The following CALD1 variants were observed in gnomAD, a reference collection of about 807,000 sequenced individuals.
CALD1 encodes the protein caldesmon.
CALD1 carries 33 observed loss-of-function variants against 99.9 expected under a neutral mutation model. The observed-to-expected ratio is 0.33, with a 90% CI of 0.25 to 0.44. The LOEUF is 0.44. Ranked by LOEUF, CALD1 falls within the 20% of genes least tolerant of loss-of-function variation. The pLI is 1.00. For missense variants in CALD1, 861 were observed against 962.1 expected, an observed-to-expected ratio of 0.89 and a Z score of 1.39; for synonymous variants, 310 against 325.0, an observed-to-expected ratio of 0.95 and a Z score of 0.50.
Position 134,781,306 on chromosome 7 carries a change from G to T in CALD1, c.-130+1557G>T, listed in dbSNP as rs1797094950. ...TTTGGAAGGAGATCTATAATCTTGGGATTTGAGGATAAATTCCATTTTGAA... is the reference window on the plus strand; with the variant it reads ...TTTGGAAGGAGATCTATAATCTTGGTATTTGAGGATAAATTCCATTTTGAA... On this transcript the variant is annotated intron_variant, in intron 1 of 14. Coordinates refer to ENST00000361675, the MANE Select transcript of CALD1 (RefSeq NM_033138.4). 2.6e-5 allele frequency among the ~76,000 whole-genome samples: 4 copies of T among 152,292 alleles called. No homozygotes were observed. The South Asian group carries it at 8.3e-4, about 32-fold the overall frequency.
At chr7:134,824,172 T>C (rs972658607) in intron 1 of CALD1, among the ~76,000 whole-genome samples, 1 of 152,176 alleles carries the variant, frequency 6.6e-6, no homozygotes, top group African/African-American at 2.4e-5. Context: ...TTTCAGAACT[T>C]ACATACTGCA....
At chr7:134,935,890 A>ACTATT in intron 6 of CALD1, 125 bp downstream of exon 6, 2 of 870,158 alleles carry the variant, frequency 2.3e-6, no homozygotes, top group Non-Finnish European at 1.7e-6. Context: ...GCCATGACTC[A>ACTATT]CAGTCCACTG....
At chr7:134,740,533 C>G (rs111908855), upstream of CALD1, among the ~76,000 whole-genome samples, 1 of 152,140 alleles carries the variant, frequency 6.6e-6, no homozygotes, top group African/African-American at 2.4e-5. Context: ...TGTGAGCCAA[C>G]AGTGTGATAT....
At chr7:134,908,909 G>A (rs1235707604) in intron 3 of CALD1, among the ~76,000 whole-genome samples, 3 of 152,112 alleles carry the variant, frequency 2.0e-5, no homozygotes, top group Non-Finnish European at 4.4e-5. Flanking sequence ...AGAGAATTGT[G>A]CTTTCAACCA....
chr7:134,894,436 G>A (rs1180197118), intron 3 of CALD1, among the ~76,000 whole-genome samples: 1 of 152,180 alleles, frequency 6.6e-6, no homozygotes, highest in Non-Finnish European at 1.5e-5. Context: ...CTATTATTGA[G>A]TAAATCAAAC....
At chr7:134,950,608 T>C in intron 9 of CALD1, 94 bp downstream of exon 9, 1 of 1,013,414 alleles carries the variant, frequency 9.9e-7, no homozygotes, top group Non-Finnish European at 1.5e-6. Flanking sequence ...CCTTTGTTCA[T>C]TTATCTTTTT....
intron 2 of CALD1, chr7:134,844,213 T>TTG (rs1799761883): frequency 6.6e-6 from 1 of 151,978 alleles, no homozygotes; most frequent in Non-Finnish European, 1.5e-5. Flanking sequence ...GCTTTATTTT[T>TTG]AAATGTTTCC....
At chr7:134,713,913 A>C in the CALD1 span, among the ~76,000 whole-genome samples, 1 of 152,140 alleles carries the variant, frequency 6.6e-6, no homozygotes, top group Non-Finnish European at 1.5e-5. Flanking sequence ...CCCAAATCTC[A>C]GGTCAACTTG....
At chr7:134,711,661 T>TCTCTCTAC in the CALD1 span, among the ~76,000 whole-genome samples, 1 of 24,780 alleles carries the variant, frequency 4.0e-5, no homozygotes. Flanking sequence ...TCTCTCTCTC[T>TCTCTCTAC]ATATATATAT....
At chr7:134,920,743 A>T in intron 3 of CALD1, 1 of 1,144,740 alleles carries the variant, frequency 8.7e-7, no homozygotes, top group Non-Finnish European at 1.2e-6. Flanking sequence ...GAATTCAAAA[A>T]TGGTGAACTT....
chr7:134,719,442 G>A, the CALD1 span, among the ~76,000 whole-genome samples: 18 of 152,056 alleles, frequency 1.2e-4, no homozygotes, highest in African/African-American at 3.9e-4. Context: ...AAGTAGCAGA[G>A]CACCCAGGGT....
intron 3 of CALD1, among the ~76,000 whole-genome samples, chr7:134,899,548 C>T (rs1802829901): frequency 6.6e-6 from 1 of 152,230 alleles, no homozygotes; most frequent in African/African-American, 2.4e-5. Context: ...CGGAGCCTAA[C>T]CCACCCTAGA....
chr7:134,785,137 G>C (rs1199941416), intron 1 of CALD1, among the ~76,000 whole-genome samples: 2 of 152,150 alleles, frequency 1.3e-5, no homozygotes, highest in Non-Finnish European at 2.9e-5. Context: ...AGCTCTCAAT[G>C]GGAATCATTT....
intron 1 of CALD1, among the ~76,000 whole-genome samples, chr7:134,765,102 G>A (rs1796813830): frequency 1.3e-5 from 2 of 152,152 alleles, no homozygotes; most frequent in Non-Finnish European, 1.5e-5. Flanking sequence ...GGATCATGAG[G>A]TCAGGAGTTT....
At chr7:134,934,145 T>C in intron 5 of CALD1, 68 bp downstream of exon 5, 1 of 1,547,594 alleles carries the variant, frequency 6.5e-7, no homozygotes, top group Non-Finnish European at 8.7e-7. Context: ...GCACATCTGA[T>C]TTGGGACTGA....
intron 3 of CALD1, among the ~76,000 whole-genome samples, chr7:134,913,133 G>C (rs1469963103): frequency 1.3e-5 from 2 of 152,156 alleles, no homozygotes; most frequent in East Asian, 3.9e-4. Context: ...GGGTGTGGTG[G>C]CACATGCCTG....
chr7:134,746,077 A>G (rs1266837449), intron 1 of CALD1, among the ~76,000 whole-genome samples: 1 of 152,200 alleles, frequency 6.6e-6, no homozygotes, highest in African/African-American at 2.4e-5. Flanking sequence ...TGCCTTCAGG[A>G]GTCAAAGCTT....
rs147015439 is a variant in CALD1 at position 134,795,054 on chromosome 7, C to T, written c.-130+15305C>T. Among the ~76,000 whole-genome samples the T allele has an allele frequency of 7.0e-3, 1,062 of 152,308 alleles. 22 individuals are homozygous for T. Among genetic ancestry groups the T allele is most frequent in the African/African-American group, 0.024 (1,001 of 41,576 alleles). The stretch of plus-strand genomic sequence containing the variant: ...ATACCTGAAATACTTGACAGAATGG[C>T]ACTGTGTCAGCTGTCAGGAGCTGCT... On this transcript the variant is annotated intron_variant, in intron 1 of 14. Coordinates refer to ENST00000361675, the MANE Select transcript of CALD1 (RefSeq NM_033138.4).
chr7:134,759,046 T>C (rs938305220), intron 1 of CALD1, among the ~76,000 whole-genome samples: 1 of 152,224 alleles, frequency 6.6e-6, no homozygotes, highest in Admixed American at 6.5e-5. Context: ...TTGGAGAGTC[T>C]GTGGATCTTT....
Sources: gnomAD v4.1 joint callset for allele counts (sites outside exome capture counted in the v4.1 genomes callset) on GRCh38, gnomAD v4.1.1 for gene constraint, MANE v1.5 for transcripts, NCBI Gene and HGNC (gene_info 2026-07-23, HGNC 2026-07-21) for gene names.